The following GSE1 variants were observed in gnomAD, a reference collection of about 807,000 sequenced individuals.
GSE1 encodes the protein genetic suppressor element 1.
In GSE1, 32 loss-of-function variants were observed where a neutral mutation model predicts 112.6. The observed-to-expected ratio is 0.28, with a 90% CI of 0.21 to 0.38. The LOEUF is 0.38. GSE1 is among the 10% of genes least tolerant of loss of function. The pLI, the probability that GSE1 is intolerant of heterozygous loss-of-function variation, is 1.00. For synonymous variants in GSE1, 1,115 were observed against 735.6 expected (o/e 1.52, Z -8.35); for missense variants, 2,348 against 1,699.2 (o/e 1.38, Z -6.71).
intron 2 of GSE1, among the ~76,000 whole-genome samples, chr16:85,398,278 C>T (rs559546728): frequency 4.5e-4 from 69 of 152,280 alleles, no homozygotes; most frequent in African/African-American, 1.6e-3. Flanking sequence ...GGAATGTTAA[C>T]ATGTCGTGAT....
At chr16:85,409,467 T>C (rs867224451) in intron 2 of GSE1, among the ~76,000 whole-genome samples, 2 of 5,284 alleles carry the variant, frequency 3.8e-4, no homozygotes, top group African/African-American at 8.2e-4. Flanking sequence ...TCACTGTTAC[T>C]CTCAGGCCCC....
chr16:85,381,628 G>T (rs2047547487), intron 2 of GSE1, among the ~76,000 whole-genome samples: 2 of 152,220 alleles, frequency 1.3e-5, no homozygotes, highest in Admixed American at 1.3e-4. Context: ...GGCTATGTGG[G>T]TTTAACAGGC....
chr16:85,572,472 T>C (rs1177095134), intron 1 of GSE1, among the ~76,000 whole-genome samples: 10 of 81,028 alleles, frequency 1.2e-4, no homozygotes, highest in African/African-American at 4.5e-4. Context: ...ACAACACACA[T>C]CACACACACC....
Position 85,673,154 on chromosome 16 carries a change from A to G in GSE1, c.*615A>G, listed in dbSNP as rs900684184. The G allele has an allele frequency of 1.3e-5, 2 of 152,554 alleles. No individual in the cohort carries two copies. The highest frequency in any genetic ancestry group is 2.4e-5 in the African/African-American group (1 of 41,450). The allele number at this position is 152,554 out of a possible 1,614,324, so 9.5% of individuals were successfully genotyped here. A position where few individuals can be genotyped will look rare whatever the true frequency, so the allele number is the denominator to read the frequency against. On this transcript the variant is annotated 3_prime_UTR_variant, in exon 16 of 16. Coordinates refer to ENST00000253458, the MANE Select transcript of GSE1 (RefSeq NM_014615.5). Reference sequence around the variant, plus strand: ...TGGAAAAGCTCTTTCTTACCTAAAGATAAAACCAATTCACAAACTGAAGGT... The same window carrying G: ...TGGAAAAGCTCTTTCTTACCTAAAGGTAAAACCAATTCACAAACTGAAGGT...
chr16:85,224,959 C>G (rs1274812550), intron 1 of GSE1, among the ~76,000 whole-genome samples: 2 of 152,112 alleles, frequency 1.3e-5, no homozygotes, highest in Non-Finnish European at 2.9e-5. Flanking sequence ...GAAACCCTGT[C>G]TGTAGTAAAA....
intron 2 of GSE1, among the ~76,000 whole-genome samples, chr16:85,427,649 T>C (rs954631707): frequency 2.2e-4 from 29 of 131,262 alleles, no homozygotes; most frequent in Non-Finnish European, 8.0e-5. Flanking sequence ...CTCAAAAAAA[T>C]GGTGAAACCC....
At chr16:85,436,908 G>A (rs535047849) in intron 2 of GSE1, among the ~76,000 whole-genome samples, 1 of 152,356 alleles carries the variant, frequency 6.6e-6, no homozygotes, top group South Asian at 2.1e-4. Flanking sequence ...CGGGCTGGAG[G>A]CAACCTTGAG....
At position 85,415,951 on chromosome 16, in the gene GSE1, G is replaced by A. The variant is rs566409059; in HGVS notation, c.2464+58308G>A. On this transcript the variant is annotated intron_variant, in intron 2 of 2. Transcript: ENST00000637419. ...CCGAGCAATAACACACTGTTTCCTGGGTTTGCACAGCCCAGGGATACATTA... is the reference window on the plus strand; with the variant it reads ...CCGAGCAATAACACACTGTTTCCTGAGTTTGCACAGCCCAGGGATACATTA... Among the ~76,000 whole-genome samples the A allele has an allele frequency of 2.2e-4, 33 of 152,318 alleles. No individual in the cohort carries two copies. In the South Asian group the frequency reaches 6.0e-3, roughly 28 times the overall value.
At chr16:85,239,155 C>T (rs975564227) in intron 1 of GSE1, among the ~76,000 whole-genome samples, 6 of 152,176 alleles carry the variant, frequency 3.9e-5, no homozygotes, top group African/African-American at 1.4e-4. Flanking sequence ...TGGTCTCGAA[C>T]TCCCGACCTC....
chr16:85,222,107 A>G (rs2075404275), intron 1 of GSE1, among the ~76,000 whole-genome samples: 1 of 152,064 alleles, frequency 6.6e-6, no homozygotes. Flanking sequence ...CCTCTGGGCC[A>G]CATCTATTCC....
chr16:85,645,741 AGTC>A (rs1269534220), intron 2 of GSE1, among the ~76,000 whole-genome samples: 1 of 152,238 alleles, frequency 6.6e-6, no homozygotes, highest in African/African-American at 2.4e-5. Context: ...TCTGAACAGA[AGTC>A]GGGCAGGATG....
chr16:85,181,493 G>A (rs557089150), intron 1 of GSE1, among the ~76,000 whole-genome samples: 1 of 152,344 alleles, frequency 6.6e-6, no homozygotes, highest in East Asian at 1.9e-4. Flanking sequence ...CTTCCACACG[G>A]CCCTGCCCCT....
intron 2 of GSE1, among the ~76,000 whole-genome samples, chr16:85,395,168 C>T (rs2047937803): frequency 6.6e-6 from 1 of 152,104 alleles, no homozygotes. Context: ...GTAGGCCTTG[C>T]ATGCCAGGCT....
intron 2 of GSE1, among the ~76,000 whole-genome samples, chr16:85,499,696 G>A (rs1019573475): frequency 3.9e-5 from 6 of 152,136 alleles, no homozygotes; most frequent in African/African-American, 1.2e-4. Flanking sequence ...CAAATTTTAT[G>A]TGCATTTTAC....
In GSE1 at chr16:85,355,534, C is replaced by T. The variant is rs184410382; in HGVS notation, c.2284-1929C>T. ...CGTCACCAAGACAGAGAGCAGACGC[C>T]GACAGCCAGGGCTGAGGGCGGGGAG... On this transcript the variant is annotated intron_variant, in intron 1 of 2. Transcript: ENST00000637419. Among the ~76,000 whole-genome samples the T allele has an allele frequency of 8.5e-5, 13 of 152,262 alleles. No homozygotes were observed. In the East Asian group the frequency reaches 1.2e-3, roughly 14 times the overall value.
intron 1 of GSE1, among the ~76,000 whole-genome samples, chr16:85,633,525 G>A (rs955478372): frequency 1.6e-4 from 25 of 152,292 alleles, no homozygotes; most frequent in Admixed American, 2.0e-4. Context: ...CTGAGGATGC[G>A]GGCCGCACGC....
intron 2 of GSE1, among the ~76,000 whole-genome samples, chr16:85,461,505 C>G (rs2049966116): frequency 6.6e-6 from 1 of 152,084 alleles, no homozygotes; most frequent in Non-Finnish European, 1.5e-5. Context: ...CAGGCCCACG[C>G]AAGGGGGGGA....
Position 85,171,361 on chromosome 16 carries a change from G to A in GSE1, c.1837G>A (p.Ala613Thr), listed in dbSNP as rs749219820. The A allele has an allele frequency of 5.8e-5, 57 of 985,602 alleles. 1 individual carries two copies. Among genetic ancestry groups the A allele is most frequent in the Non-Finnish European group, 6.5e-5 (54 of 830,096 alleles). 61.1% of individuals were successfully genotyped at this position (985,602 alleles called of 1,614,324 possible). A position where few individuals can be genotyped will look rare whatever the true frequency, so the allele number is the denominator to read the frequency against. The change falls in exon 1 of 3, where the codon GCC becomes ACC. Residue 613 changes from alanine (A) to threonine (T), a missense_variant. Coordinates refer to the GSE1 transcript ENST00000637419. The stretch of plus-strand genomic sequence containing the variant: ...GGAGTTCCAGCTCAACGTGAACCCC[G>A]CCAGCCGCTTGGGCGAGAAGGAGCC...
At chr16:85,432,096 C>T (rs1340773591) in intron 2 of GSE1, among the ~76,000 whole-genome samples, 1 of 152,230 alleles carries the variant, frequency 6.6e-6, no homozygotes, top group African/African-American at 2.4e-5. Context: ...TAAACGACCA[C>T]TGGCTGACTT....
Sources: gnomAD v4.1 joint callset for allele counts (sites outside exome capture counted in the v4.1 genomes callset) on GRCh38, gnomAD v4.1.1 for gene constraint, MANE v1.5 for transcripts, NCBI Gene and HGNC (gene_info 2026-07-23, HGNC 2026-07-21) for gene names.